Variants in MCRIP2 observed in about 807,000 individuals in gnomAD.
MCRIP2 encodes MAPK regulated co-repressor interacting protein 2.
In MCRIP2, 21 loss-of-function variants were observed where a neutral mutation model predicts 23.2. The ratio of observed to expected loss-of-function variants is 0.90; its 90% CI spans 0.64 to 1.30. The LOEUF (loss-of-function observed/expected upper bound fraction) is 1.30, where lower values mean the gene tolerates loss of function less well. MCRIP2 is among the 50% of genes most tolerant of loss of function. MCRIP2 has a pLI of 0.00. For synonymous variants in MCRIP2, 121 were observed against 100.2 expected (o/e 1.21, Z -1.24); for missense variants, 234 against 223.2 (o/e 1.05, Z -0.31).
At chr16:647,603 G>A (rs1462863286) in intron 3 of MCRIP2, 59 bp downstream of exon 3, 30 of 1,596,144 alleles carry the variant, frequency 1.9e-5, no homozygotes, top group Non-Finnish European at 2.2e-5. Context: ...CCATGGACCC[G>A]GGATGGCCCC....
At chr16:644,502 G>A (rs184852232) in intron 2 of MCRIP2, among the ~76,000 whole-genome samples, 173 of 152,198 alleles carry the variant, frequency 1.1e-3, no homozygotes, top group Non-Finnish European at 1.7e-3. Flanking sequence ...GGGGTGCAGT[G>A]GTGCAATCAT....
chr16:643,540 CTTT>C (rs869168510), intron 2 of MCRIP2, among the ~76,000 whole-genome samples: 2 of 119,424 alleles, frequency 1.7e-5, no homozygotes, highest in Non-Finnish European at 1.7e-5. Context: ...GCTGTTGTCT[CTTT>C]TTTTTTTTTT....
At chr16:645,017 G>C (rs1313560333) in intron 2 of MCRIP2, 1 of 152,130 alleles carries the variant, frequency 6.6e-6, no homozygotes, top group Non-Finnish European at 1.5e-5. Flanking sequence ...GGAGTGCAGT[G>C]GTGTGATCTC....
chr16:643,783 C>T (rs1404436854), intron 2 of MCRIP2, among the ~76,000 whole-genome samples: 1 of 152,190 alleles, frequency 6.6e-6, no homozygotes, highest in Non-Finnish European at 1.5e-5. Context: ...CCACCCGCCT[C>T]AGCCCCCCAA....
rs1007695210 is a variant in MCRIP2 at position 642,090 on chromosome 16, C to A, written c.53-30C>A. 3 of 1,319,312 alleles carry A rather than the reference C, an allele frequency of 2.3e-6. No homozygotes were observed. In the African/African-American group the frequency reaches 4.6e-5, roughly 20 times the overall value. The allele number at this position is 1,319,312 out of a possible 1,614,324, so 81.7% of individuals were successfully genotyped here. A position where few individuals can be genotyped will look rare whatever the true frequency, so the allele number is the denominator to read the frequency against. ...GGAACGGGGACGGGGCGGGGCGCGG[C>A]GGCGGCTGACCGCCCCCCGGTGCCC... On this transcript the variant is annotated intron_variant, in intron 1 of 4. Transcript: ENST00000307650.
chr16:642,570 A>C, intron 2 of MCRIP2: 1 of 166,736 alleles, frequency 6.0e-6, no homozygotes. Context: ...CCTGACGTGC[A>C]GCAGGCCCAG....
chr16:642,182 C>G lies in MCRIP2; in HGVS notation c.115C>G (p.Pro39Ala). ...GELLKCRQPA[P>A]PTSQPPRAQP... ...GCTCCTGAAATGCCGGCAGCCCGCG[C>G]CGCCGACCTCGCAGCCCCCGCGGGC... The change falls in exon 2 of 5, where the codon CCG becomes GCG. Residue 39 changes from proline to alanine, a missense_variant. By Grantham distance (27) the Pro-to-Ala change is conservative. Coordinates refer to ENST00000307650, the MANE Select transcript of MCRIP2 (RefSeq NM_138418.4). 1 of 1,338,652 alleles carries G rather than the reference C, an allele frequency of 7.5e-7. No homozygotes were observed. The highest frequency in any genetic ancestry group is 1.8e-5 in the South Asian group (1 of 56,470). The allele number at this position is 1,338,652 out of a possible 1,614,324, so 82.9% of individuals were successfully genotyped here. A position where few individuals can be genotyped will look rare whatever the true frequency, so the allele number is the denominator to read the frequency against.
chr16:642,194 C>T lies in MCRIP2; in HGVS notation c.127C>T (p.Gln43Ter). Residue 43 changes from glutamine to a stop codon, truncating the protein, a stop_gained, in exon 2 of 5, where the codon CAG becomes TAG. Transcript: ENST00000307650. LOFTEE classifies it high-confidence loss of function. The stretch of plus-strand genomic sequence containing the variant: ...CCGGCAGCCCGCGCCGCCGACCTCG[C>T]AGCCCCCGCGGGCGCAGCCCTTTGC... ...KCRQPAPPTS[Q>*]PPRAQPFAQP... 1.5e-6 allele frequency: 2 copies of T among 1,325,450 alleles called. No homozygotes were observed. Among genetic ancestry groups the T allele is most frequent in the East Asian group, 6.8e-5 (2 of 29,508 alleles). 82.1% of individuals were successfully genotyped at this position (1,325,450 alleles called of 1,614,324 possible).
chr16:644,015 G>A lies in MCRIP2; in HGVS notation c.182+1766G>A, dbSNP rs562445370. Among the ~76,000 whole-genome samples the A allele has an allele frequency of 1.1e-3, 165 of 152,298 alleles. 1 individual carries two copies. Among genetic ancestry groups the A allele is most frequent in the Middle Eastern group, 3.4e-3 (1 of 294 alleles). ...CAGGCCCCAGCGCTGGGAGCTTCTGGCAGCAGTGGGATCTCTGCATGAAGC... is the reference window on the plus strand; with the variant it reads ...CAGGCCCCAGCGCTGGGAGCTTCTGACAGCAGTGGGATCTCTGCATGAAGC... On this transcript the variant is annotated intron_variant, in intron 2 of 4. Coordinates refer to ENST00000307650, the MANE Select transcript of MCRIP2 (RefSeq NM_138418.4).
At position 647,763 on chromosome 16, in the gene MCRIP2, C is replaced by T. The variant is rs374404215; in HGVS notation, c.311-20C>T. ...GGGGTGCCTGGGACCTGGCTCAGCC[C>T]GACTGCCCTCCTCCCACAGCCTGGC... On this transcript the variant is annotated intron_variant, in intron 3 of 4. Transcript: ENST00000307650. The T allele has an allele frequency of 1.6e-5, 25 of 1,550,554 alleles. No individual in the cohort carries two copies. The highest frequency in any genetic ancestry group is 1.5e-4 in the African/African-American group (11 of 73,336).
chr16:641,832 C>G lies in MCRIP2; in HGVS notation c.-160C>G. 1.7e-6 allele frequency: 1 copy of G among 587,000 alleles called. No individual in the cohort carries two copies. The highest frequency in any genetic ancestry group is 2.5e-6 in the Non-Finnish European group (1 of 407,242). The allele number at this position is 587,000 out of a possible 1,614,324, so 36.4% of individuals were successfully genotyped here. ...AAGGGCGCAAGCGCCGCCTCCGCCG[C>G]GTGTCCGGGGTCAGCCCGAGCCCGT... On this transcript the variant is annotated 5_prime_UTR_variant, in exon 1 of 5. Transcript: ENST00000307650.
At chr16:648,017 T>G (rs2037544854) in intron 4 of MCRIP2, 103 bp from the exon 5 acceptor site, 1 of 1,276,492 alleles carries the variant, frequency 7.8e-7, no homozygotes, top group African/African-American at 1.5e-5. Context: ...TCCCAGCGCC[T>G]GCCGCACTCG....
In MCRIP2 at chr16:647,889, G is replaced by GC. The variant is rs1345376682; in HGVS notation, c.412+11dup. The GC allele has an allele frequency of 2.6e-6, 4 of 1,522,766 alleles. No individual in the cohort carries two copies. Among genetic ancestry groups the GC allele is most frequent in the African/African-American group, 2.8e-5 (2 of 71,352 alleles). 94.3% of individuals were successfully genotyped at this position (1,522,766 alleles called of 1,614,324 possible). On this transcript the variant is annotated splice_donor_region_variant and intron_variant, in intron 4 of 4. Transcript: ENST00000307650. ...CCCCCAATCCCCGGCTGCAGAGTGAGCCCCCCAACCCTGTCCCCCCAGGAG... is the reference window on the plus strand; with the variant it reads ...CCCCCAATCCCCGGCTGCAGAGTGAGCCCCCCCAACCCTGTCCCCCCAGGAG...
chr16:645,937 T>TG (rs2037469584), intron 2 of MCRIP2: 1 of 152,250 alleles, frequency 6.6e-6, no homozygotes, highest in Non-Finnish European at 1.5e-5. Context: ...GAAAAAGGGA[T>TG]GGGCTGTGGA....
Position 648,311 on chromosome 16 carries a change from C to A in MCRIP2, c.*121C>A. ...CACACCTGAAGTGCCAGCATTTGGA[C>A]TTTTGCACCTTTTTTTCCCTTGGCC... On this transcript the variant is annotated 3_prime_UTR_variant, in exon 5 of 5. Coordinates refer to ENST00000307650, the MANE Select transcript of MCRIP2 (RefSeq NM_138418.4). The A allele has an allele frequency of 9.8e-7, 1 of 1,016,158 alleles. No individual in the cohort carries two copies. Among genetic ancestry groups the A allele is most frequent in the Non-Finnish European group, 1.5e-6 (1 of 678,894 alleles). 62.9% of individuals were successfully genotyped at this position (1,016,158 alleles called of 1,614,324 possible).
At chr16:648,063 G>C (rs1250396096) in intron 4 of MCRIP2, 57 bp from the exon 5 acceptor site, 2 of 1,519,412 alleles carry the variant, frequency 1.3e-6, no homozygotes, top group Admixed American at 3.7e-5. Context: ...AGCTCCAGGG[G>C]AGACTTGCCG....
At chr16:647,347 C>T (rs1405970250) in intron 2 of MCRIP2, 70 bp from the exon 3 acceptor site, 4 of 1,592,264 alleles carry the variant, frequency 2.5e-6, no homozygotes, top group East Asian at 2.2e-5. Context: ...CGGGGCTGCT[C>T]CTGAGTTCTG....
chr16:647,317 CTG>C, intron 2 of MCRIP2, 98 bp from the exon 3 acceptor site: 1 of 1,543,334 alleles, frequency 6.5e-7, no homozygotes, highest in Non-Finnish European at 8.8e-7. Context: ...CTGGCCAAGT[CTG>C]GGGAAAGTGG....
rs550368708 is a variant in MCRIP2 at position 647,981 on chromosome 16, G to A, written c.412+97G>A. 3,451 of 1,183,964 alleles carry A rather than the reference G, an allele frequency of 2.9e-3. 20 individuals carry two copies. The highest frequency in any genetic ancestry group is 2.4e-3 in the Non-Finnish European group (1,992 of 840,382). The allele number at this position is 1,183,964 out of a possible 1,614,324, so 73.3% of individuals were successfully genotyped here. On this transcript the variant is annotated intron_variant, in intron 4 of 4. Coordinates refer to ENST00000307650, the MANE Select transcript of MCRIP2 (RefSeq NM_138418.4). ...GTTCCCACCCCAGGGGATGAGGGAGGGGACTCTTGTGCAGAAACCCCTTCT... is the reference window on the plus strand; with the variant it reads ...GTTCCCACCCCAGGGGATGAGGGAGAGGACTCTTGTGCAGAAACCCCTTCT...
Sources: gnomAD v4.1 joint callset for allele counts (sites outside exome capture counted in the v4.1 genomes callset) on GRCh38, gnomAD v4.1.1 for gene constraint, MANE v1.5 for transcripts, NCBI Gene and HGNC (gene_info 2026-07-23, HGNC 2026-07-21) for gene names.